NUBPL: variants seen among roughly 807,000 people sequenced by gnomAD.
NUBPL encodes NUBP iron-sulfur cluster assembly factor, mitochondrial, also known as iron-sulfur cluster transfer protein NUBPL.
NUBPL carries 31 observed loss-of-function variants against 45.7 expected under a neutral mutation model. The ratio of observed to expected loss-of-function variants is 0.68; its 90% CI spans 0.51 to 0.92. NUBPL has a LOEUF of 0.92. Ranked by LOEUF, NUBPL falls within the 40% of genes least tolerant of loss-of-function variation. The probability of loss-of-function intolerance (pLI) is 0.00; values close to 1 mark genes in which losing one functional copy is unlikely to be tolerated. For missense variants in NUBPL, 401 were observed against 398.7 expected, an observed-to-expected ratio of 1.01 and a Z score of -0.05; for synonymous variants, 144 against 140.9, an observed-to-expected ratio of 1.02 and a Z score of -0.15.
chr14:31,741,321 G>A (rs546617467), intron 6 of NUBPL, among the ~76,000 whole-genome samples: 2 of 152,254 alleles, frequency 1.3e-5, no homozygotes, highest in East Asian at 3.9e-4. Context: ...TCTGGAATGT[G>A]AAGTTCACTG....
At chr14:31,636,494 G>T (rs1465892382) in intron 4 of NUBPL, among the ~76,000 whole-genome samples, 1 of 152,104 alleles carries the variant, frequency 6.6e-6, no homozygotes, top group Non-Finnish European at 1.5e-5. Context: ...TGGTTTGCCA[G>T]TATTTTATTG....
At chr14:31,562,029 T>C (rs777833714) in intron 1 of NUBPL, 39 bp from the exon 2 acceptor site, 4 of 1,546,922 alleles carry the variant, frequency 2.6e-6, no homozygotes, top group Non-Finnish European at 3.5e-6. Flanking sequence ...TGGAGATGGC[T>C]TATTTAAAAC....
intron 4 of NUBPL, among the ~76,000 whole-genome samples, chr14:31,654,967 A>G (rs1473765374): frequency 2.6e-5 from 4 of 152,182 alleles, no homozygotes; most frequent in African/African-American, 9.6e-5. Context: ...TCAAGAAAGT[A>G]CTTTCTTTGC....
intron 8 of NUBPL, chr14:31,844,498 T>A (rs796234258): frequency 2.0e-5 from 3 of 152,366 alleles, no homozygotes; most frequent in African/African-American, 7.2e-5. Context: ...GATTTATTTT[T>A]TGTGATAGTG....
intron 7 of NUBPL, among the ~76,000 whole-genome samples, chr14:31,809,401 T>C (rs948807570): frequency 3.3e-5 from 5 of 152,156 alleles, no homozygotes; most frequent in African/African-American, 1.2e-4. Flanking sequence ...AGTTTATTTC[T>C]GTAGAGGTGT....
At chr14:31,708,347 G>T (rs1293900384) in intron 6 of NUBPL, among the ~76,000 whole-genome samples, 1 of 152,174 alleles carries the variant, frequency 6.6e-6, no homozygotes, top group Non-Finnish European at 1.5e-5. Flanking sequence ...TTTGGACTGG[G>T]TGGGCATTTT....
intron 7 of NUBPL, among the ~76,000 whole-genome samples, chr14:31,803,088 G>C (rs932402658): frequency 3.3e-5 from 5 of 152,112 alleles, no homozygotes; most frequent in African/African-American, 1.2e-4. Context: ...CTCTTTGACT[G>C]TCAGTTTGGA....
intron 7 of NUBPL, among the ~76,000 whole-genome samples, chr14:31,818,618 G>A (rs1384313677): frequency 3.3e-5 from 5 of 151,960 alleles, no homozygotes; most frequent in Non-Finnish European, 7.4e-5. Context: ...CTGCGATCTC[G>A]GCTTACTGCA....
intron 6 of NUBPL, among the ~76,000 whole-genome samples, chr14:31,682,454 G>C (rs1306338102): frequency 1.3e-5 from 2 of 151,930 alleles, no homozygotes; most frequent in Non-Finnish European, 2.9e-5. Flanking sequence ...GTATCTTACT[G>C]TTTTATCCAG....
Position 31,856,935 on chromosome 14 carries a change from C to T in NUBPL, c.898-2183C>T, listed in dbSNP as rs1007388424. On this transcript the variant is annotated intron_variant, in intron 10 of 10. Transcript: ENST00000281081. ...GTCAGTGGATCTGCCATTGTGGGGT[C>T]TGGAGGATGGTGACTGTCTTCTCAC... Among the ~76,000 whole-genome samples, 3 of 152,138 alleles carry T rather than the reference C, an allele frequency of 2.0e-5. No individual in the cohort carries two copies. In the East Asian group the frequency reaches 5.8e-4, roughly 29 times the overall value.
intron 7 of NUBPL, among the ~76,000 whole-genome samples, chr14:31,818,468 T>A: frequency 6.6e-6 from 1 of 152,236 alleles, no homozygotes; most frequent in East Asian, 1.9e-4. Flanking sequence ...ATTAGGATGA[T>A]TTAGAACACC....
chr14:31,726,333 T>C (rs1367317), intron 6 of NUBPL, among the ~76,000 whole-genome samples: 137,185 of 152,274 alleles, frequency 0.9, 62,045 homozygotes, highest in East Asian at 0.99. Flanking sequence ...TAAAGGGCTG[T>C]CATGTGAAAC....
chr14:31,793,867 C>T (rs1257691316), intron 7 of NUBPL, among the ~76,000 whole-genome samples: 1 of 102,518 alleles, frequency 9.8e-6, no homozygotes, highest in African/African-American at 4.1e-5. Context: ...TTTCCCAATG[C>T]TATCCCTCCC....
chr14:31,663,372 G>A (rs1384339936), intron 4 of NUBPL, among the ~76,000 whole-genome samples: 1 of 152,130 alleles, frequency 6.6e-6, no homozygotes, highest in Admixed American at 6.6e-5. Context: ...ATGGTTTTAG[G>A]TCTTATATTT....
intron 4 of NUBPL, among the ~76,000 whole-genome samples, chr14:31,606,583 C>T (rs539051637): frequency 6.6e-6 from 1 of 152,140 alleles, no homozygotes; most frequent in Non-Finnish European, 1.5e-5. Context: ...ATTTGCTGCT[C>T]GGCTTGTGGA....
chr14:31,844,898 G>A (rs375381751), intron 8 of NUBPL: 3 of 152,284 alleles, frequency 2.0e-5, no homozygotes, highest in South Asian at 2.1e-4. Flanking sequence ...GGGATTAAAA[G>A]GAACATGAGT....
chr14:31,834,406 C>T (rs2043114), intron 8 of NUBPL, among the ~76,000 whole-genome samples: 131,957 of 151,982 alleles, frequency 0.87, 57,369 homozygotes, highest in East Asian at 0.98. Context: ...GTCTCGATCT[C>T]CTGACTTCAT....
chr14:31,683,062 A>G (rs564177128), intron 6 of NUBPL, among the ~76,000 whole-genome samples: 2 of 146,264 alleles, frequency 1.4e-5, no homozygotes, highest in African/African-American at 2.5e-5. Context: ...AGAAACTAAT[A>G]GAGTGAGAAC....
intron 8 of NUBPL, among the ~76,000 whole-genome samples, chr14:31,836,064 T>G (rs1040498618): frequency 1.3e-5 from 2 of 152,182 alleles, no homozygotes; most frequent in African/African-American, 2.4e-5. Flanking sequence ...AAAAATAAAT[T>G]AAAATTGGAG....
Sources: allele counts gnomAD v4.1 joint callset (sites outside exome capture counted in the v4.1 genomes callset), GRCh38; gene constraint gnomAD v4.1.1; transcripts MANE v1.5; gene names NCBI Gene and HGNC (gene_info 2026-07-23, HGNC 2026-07-21).